Variants in ZSWIM6 observed in about 807,000 individuals in gnomAD.
The protein encoded by ZSWIM6 is zinc finger SWIM-type containing 6, also known as zinc finger SWIM domain-containing protein 6.
ZSWIM6 carries 9 observed loss-of-function variants against 113.2 expected under a neutral mutation model. The observed-to-expected ratio is 0.08, with a 90% confidence interval of 0.05 to 0.14. ZSWIM6 has a LOEUF of 0.14. Among genes scored for constraint, ZSWIM6 ranks in the 10% least tolerant of loss-of-function variants. The probability of loss-of-function intolerance (pLI) is 1.00; values close to 1 mark genes in which losing one functional copy is unlikely to be tolerated. For synonymous variants in ZSWIM6, 611 were observed against 606.5 expected (o/e 1.01, Z -0.11); for missense variants, 1,162 against 1,552.2 (o/e 0.75, Z 4.22).
chr5:61,460,863 T>G (rs892170213), intron 1 of ZSWIM6, among the ~76,000 whole-genome samples: 21 of 151,924 alleles, frequency 1.4e-4, no homozygotes, highest in African/African-American at 4.8e-4. Context: ...GGGTTTTATT[T>G]TATGTTTCTA....
In ZSWIM6 at chr5:61,490,812, A is replaced by G. The variant is rs1459741854; in HGVS notation, c.1060A>G (p.Ser354Gly). The change falls in exon 3 of 14, where the codon AGT becomes GGT. Residue 354 changes from serine (S) to glycine (G), a missense_variant. Ser to Gly is a moderately conservative substitution (Grantham distance 56). Coordinates refer to ENST00000252744, the MANE Select transcript of ZSWIM6 (RefSeq NM_020928.2). ...HGAPDPTAGASIDDENCWHLD... is the reference protein window; with the variant it reads ...HGAPDPTAGAGIDDENCWHLD... ...TGCTCCTGATCCAACAGCAGGTGCTAGTATAGATGATGAAAACTGCTGGCA... is the reference window on the plus strand; with the variant it reads ...TGCTCCTGATCCAACAGCAGGTGCTGGTATAGATGATGAAAACTGCTGGCA... 12 of 1,547,280 alleles carry G rather than the reference A, an allele frequency of 7.8e-6. No homozygotes were observed. Among genetic ancestry groups the G allele is most frequent in the East Asian group, 2.5e-5 (1 of 40,558 alleles).
intron 1 of ZSWIM6, among the ~76,000 whole-genome samples, chr5:61,461,531 A>G (rs1438431247): frequency 6.6e-6 from 1 of 152,172 alleles, no homozygotes; most frequent in Non-Finnish European, 1.5e-5. Flanking sequence ...TGGCTAAGCC[A>G]TAAGGTGGGT....
At chr5:61,477,946 C>T (rs538234345) in intron 2 of ZSWIM6, among the ~76,000 whole-genome samples, 10 of 152,170 alleles carry the variant, frequency 6.6e-5, no homozygotes, top group Non-Finnish European at 1.2e-4. Flanking sequence ...TCCAAATCTA[C>T]CAGTGAGTGA....
Position 61,543,251 on chromosome 5 carries a change from CT to C in ZSWIM6, c.2786-201del, listed in dbSNP as rs768881492. ...TCTTTATTATAGCAAGTTCATGTTC[CT>C]TTCAGGCATTTCACTGAATAACAAT... On this transcript the variant is annotated intron_variant, in intron 13 of 13. Transcript: ENST00000252744. The surrounding 1 kb of genome is among the most constrained non-coding windows in gnomAD (Gnocchi z 4.3). Among the ~76,000 whole-genome samples the C allele has an allele frequency of 1.5e-4, 23 of 152,310 alleles. No homozygotes were observed. Among genetic ancestry groups the C allele is most frequent in the Non-Finnish European group, 2.5e-4 (17 of 68,010 alleles).
chr5:61,399,177 AG>A (rs1745898604), intron 1 of ZSWIM6, among the ~76,000 whole-genome samples: 1 of 149,980 alleles, frequency 6.7e-6, no homozygotes, highest in South Asian at 2.1e-4. Context: ...CACCCGCCTC[AG>A]CCTCCCAAAG....
chr5:61,375,652 A>T (rs531177137), intron 1 of ZSWIM6: 1 of 1,544,584 alleles, frequency 6.5e-7, no homozygotes, highest in Admixed American at 2.0e-5. Flanking sequence ...CAGCAAAAAG[A>T]GAAAGATGTA....
chr5:61,424,893 A>G (rs1746434491), intron 1 of ZSWIM6, among the ~76,000 whole-genome samples: 1 of 151,876 alleles, frequency 6.6e-6, no homozygotes, highest in Admixed American at 6.6e-5. Flanking sequence ...ACGCCCGTCT[A>G]ATTTTTGTAT....
chr5:61,513,558 G>A (rs1748846599), intron 4 of ZSWIM6, among the ~76,000 whole-genome samples: 1 of 151,970 alleles, frequency 6.6e-6, no homozygotes, highest in African/African-American at 2.4e-5. Context: ...CCTAAATCAA[G>A]GTTACAATGA....
chr5:61,336,748 C>T (rs140894111), intron 1 of ZSWIM6, among the ~76,000 whole-genome samples: 1 of 152,160 alleles, frequency 6.6e-6, no homozygotes, highest in African/African-American at 2.4e-5. Context: ...CAGACTGAGA[C>T]TCTGTCTCAA....
rs1313510044 is a variant in ZSWIM6 at position 61,521,250 on chromosome 5, TC to T, written c.1334-11del. ...TTTTTGAACATTTATTTTCCTTTCC[TC>T]CTTTAAATTAGGTGCTCTGTGGATG... On this transcript the variant is annotated splice_polypyrimidine_tract_variant and intron_variant, in intron 4 of 13. Coordinates refer to ENST00000252744, the MANE Select transcript of ZSWIM6 (RefSeq NM_020928.2). The T allele has an allele frequency of 7.7e-7, 1 of 1,294,528 alleles. No homozygotes were observed. 80.2% of individuals were successfully genotyped at this position (1,294,528 alleles called of 1,614,324 possible). A position where few individuals can be genotyped will look rare whatever the true frequency, so the allele number is the denominator to read the frequency against.
At chr5:61,465,114 A>T (rs1027075636) in intron 1 of ZSWIM6, among the ~76,000 whole-genome samples, 2 of 152,230 alleles carry the variant, frequency 1.3e-5, no homozygotes, top group African/African-American at 4.8e-5. Context: ...CTTTCTTTGT[A>T]TTAGAAAAGG....
intron 1 of ZSWIM6, among the ~76,000 whole-genome samples, chr5:61,426,812 T>C (rs1478151885): frequency 6.8e-6 from 1 of 147,370 alleles, no homozygotes; most frequent in Non-Finnish European, 1.5e-5. Context: ...TGAGTTTTTC[T>C]TTTTTTTTTT....
intron 1 of ZSWIM6, among the ~76,000 whole-genome samples, chr5:61,464,346 G>A (rs1747386482): frequency 1.3e-5 from 2 of 151,712 alleles, no homozygotes; most frequent in Non-Finnish European, 2.9e-5. Flanking sequence ...AATCATTTAT[G>A]TGTTGGAGTA....
intron 1 of ZSWIM6, among the ~76,000 whole-genome samples, chr5:61,369,764 C>G (rs985339138): frequency 4.6e-5 from 7 of 152,130 alleles, no homozygotes; most frequent in Non-Finnish European, 8.8e-5. Flanking sequence ...AAATGCATCC[C>G]TGCCATACCT....
At chr5:61,336,296 G>A (rs866073446) in intron 1 of ZSWIM6, among the ~76,000 whole-genome samples, 9 of 152,240 alleles carry the variant, frequency 5.9e-5, no homozygotes, top group African/African-American at 1.9e-4. Context: ...ATTGATATTG[G>A]AAGGGAGCTG....
rs1340452553 is a variant in ZSWIM6, at chr5:61,531,627, G to C, written c.2147G>C (p.Cys716Ser). Residue 716 changes from cysteine (C) to serine (S), a missense_variant, in exon 9 of 14, where the codon TGC becomes TCC. Around this residue, in one of 4 missense-constraint regions of ZSWIM6, gnomAD observed 620 missense variants for 804.6 expected, o/e 0.77. Transcript: ENST00000252744. ...PDGLYTQEKVCRNEEQLISKL... is the reference protein window; with the variant it reads ...PDGLYTQEKVSRNEEQLISKL... ...GGGCTGTACACACAAGAGAAAGTTT[G>C]CCGGAATGAGGAGCAGCTCATTTCT... 2.6e-6 allele frequency: 4 copies of C among 1,551,688 alleles called. No individual in the cohort carries two copies. The Admixed American group carries it at 7.8e-5, about 30-fold the overall frequency.
rs542218093 is a variant in ZSWIM6, at chr5:61,410,435, G to C, written c.677-62246G>C. Among the ~76,000 whole-genome samples the C allele has an allele frequency of 4.7e-5, 7 of 149,522 alleles. No homozygotes were observed. The East Asian group carries it at 1.2e-3, about 26-fold the overall frequency. Reference sequence around the variant, plus strand: ...GGCGATTCTCCTGCCTCAGCCTCCCGAGTAGCTGGGATTACAGGCACGTGC... The same window carrying C: ...GGCGATTCTCCTGCCTCAGCCTCCCCAGTAGCTGGGATTACAGGCACGTGC... On this transcript the variant is annotated intron_variant, in intron 1 of 13. Transcript: ENST00000252744.
chr5:61,484,205 A>G (rs1747954158), intron 2 of ZSWIM6, among the ~76,000 whole-genome samples: 1 of 152,140 alleles, frequency 6.6e-6, no homozygotes, highest in Non-Finnish European at 1.5e-5. Flanking sequence ...AAGCAGCTGA[A>G]ATGCCTTCAG....
intron 1 of ZSWIM6, among the ~76,000 whole-genome samples, chr5:61,392,952 C>T (rs2112094220): frequency 6.6e-6 from 1 of 152,068 alleles, no homozygotes; most frequent in Non-Finnish European, 1.5e-5. Flanking sequence ...TGGCTGTTTT[C>T]TCCTGTTAAT....
Sources: gnomAD v4.1 joint callset for allele counts (sites outside exome capture counted in the v4.1 genomes callset) on GRCh38, gnomAD v4.1.1 for gene constraint, gnomAD v4.1.1 regional missense constraint, Gnocchi (gnomAD v3.1) non-coding constraint, MANE v1.5 for transcripts, NCBI Gene and HGNC (gene_info 2026-07-23, HGNC 2026-07-21) for gene names.